The following NETO2 variants were observed in gnomAD, a reference collection of about 807,000 sequenced individuals.
NETO2 encodes neuropilin and tolloid like 2.
A neutral mutation model predicts 62.5 loss-of-function variants in NETO2; 28 were observed. The observed-to-expected ratio is 0.45, with a 90% confidence interval of 0.33 to 0.61. The LOEUF (loss-of-function observed/expected upper bound fraction) is 0.61. Ranked by LOEUF, NETO2 falls within the 20% of genes least tolerant of loss-of-function variation. NETO2 has a pLI of 0.02. For missense variants in NETO2, 548 were observed against 643.2 expected (o/e 0.85, Z 1.60); for synonymous variants, 214 against 219.1 (o/e 0.98, Z 0.21).
intron 7 of NETO2, among the ~76,000 whole-genome samples, chr16:47,104,995 C>G (rs532693528): frequency 6.6e-6 from 1 of 152,152 alleles, no homozygotes; most frequent in South Asian, 2.1e-4. Flanking sequence ...GCTCGGATAA[C>G]AGGCATGAGC....
chr16:47,109,649 A>C lies in NETO2; in HGVS notation c.717T>G (p.Val239=). 6.2e-7 allele frequency: 1 copy of C among 1,614,188 alleles called. No individual in the cohort carries two copies. Among genetic ancestry groups the C allele is most frequent in the Non-Finnish European group, 8.5e-7 (1 of 1,180,016 alleles). Residue 239 remains valine, a synonymous_variant, in exon 7 of 9, where the codon GTT becomes GTG. Coordinates refer to ENST00000562435, the MANE Select transcript of NETO2 (RefSeq NM_018092.5). ...TAGAACTGCTTCCATCATAGACTGC[A>C]ACGAAGTTTCTCTTGCATTCATTTG... is the stretch of plus-strand genomic sequence containing the variant. ...EHSNECKRNF[V]AVYDGSSSIE...
chr16:47,118,536 G>A (rs905781256), intron 6 of NETO2, among the ~76,000 whole-genome samples: 1 of 152,152 alleles, frequency 6.6e-6, no homozygotes, highest in Non-Finnish European at 1.5e-5. Context: ...GAAAAAAGCC[G>A]GGATTCCCTC....
At chr16:47,106,459 T>C (rs1963676904) in intron 7 of NETO2, among the ~76,000 whole-genome samples, 1 of 152,100 alleles carries the variant, frequency 6.6e-6, no homozygotes, top group Non-Finnish European at 1.5e-5. Context: ...TTTTATGCCA[T>C]GTATATTTTG....
rs112533456 is a variant in NETO2 at position 47,090,504 on chromosome 16, C to T, written c.884-4165G>A. 1.8e-3 allele frequency among the ~76,000 whole-genome samples: 273 copies of T among 152,172 alleles called. 2 individuals are homozygous for T. Among genetic ancestry groups the T allele is most frequent in the African/African-American group, 6.3e-3 (260 of 41,528 alleles). On this transcript the variant is annotated intron_variant, in intron 7 of 8. Coordinates refer to ENST00000562435, the MANE Select transcript of NETO2 (RefSeq NM_018092.5). ...CAAAAATAGTGCCAGTTATGAACTC[C>T]ACTTATAGCCTGAGAACTCTCTACC...
At chr16:47,099,660 T>G (rs1361878235) in intron 7 of NETO2, among the ~76,000 whole-genome samples, 1 of 151,688 alleles carries the variant, frequency 6.6e-6, no homozygotes, top group African/African-American at 2.4e-5. Context: ...GAGGTTGCAC[T>G]CTAGTCTCTG....
intron 8 of NETO2, among the ~76,000 whole-genome samples, chr16:47,084,305 CA>C (rs1164808351): frequency 1.3e-5 from 2 of 152,182 alleles, no homozygotes; most frequent in Non-Finnish European, 2.9e-5. Context: ...TTACGACAGC[CA>C]TATCAGATTA....
chr16:47,116,804 T>C (rs749753835), intron 6 of NETO2, among the ~76,000 whole-genome samples: 4 of 152,222 alleles, frequency 2.6e-5, no homozygotes, highest in African/African-American at 7.2e-5. Context: ...ACAGGATGAT[T>C]TGGGTTGTGT....
chr16:47,132,255 A>G (rs1964281321), intron 1 of NETO2, among the ~76,000 whole-genome samples: 1 of 152,146 alleles, frequency 6.6e-6, no homozygotes, highest in Admixed American at 6.5e-5. Context: ...TAAGCATTTA[A>G]TAATACATGG....
At chr16:47,085,759 C>G (rs1011281960) in intron 8 of NETO2, among the ~76,000 whole-genome samples, 3 of 152,064 alleles carry the variant, frequency 2.0e-5, no homozygotes, top group Non-Finnish European at 4.4e-5. Context: ...TCACCACATC[C>G]CAGGTCTATG....
intron 1 of NETO2, among the ~76,000 whole-genome samples, chr16:47,142,253 C>T (rs1348863699): frequency 1.3e-5 from 2 of 152,062 alleles, no homozygotes. Flanking sequence ...ATAAAGAAAT[C>T]ACTACGGATT....
At position 47,086,309 on chromosome 16, in the gene NETO2, T is replaced by A. The variant is rs769338360; in HGVS notation, c.914A>T (p.His305Leu). The change falls in exon 8 of 9, where the codon CAT (histidine) becomes CTT (leucine). Residue 305 changes from histidine (H) to leucine (L), a missense_variant. By Grantham distance (99) the His-to-Leu change is moderately conservative (BLOSUM62 -3). Coordinates refer to ENST00000562435, the MANE Select transcript of NETO2 (RefSeq NM_018092.5). ...AGAATTATTGATGCACATGTTGCTA[T>A]GGCAAAAGAAAGTGCTGCTTGTGCA... ...PPCTSSTFFC[H>L]SNMCINNSLV... 73 of 1,613,908 alleles carry A rather than the reference T, an allele frequency of 4.5e-5. No individual in the cohort carries two copies. The highest frequency in any genetic ancestry group is 1.0e-4 in the Admixed American group (6 of 60,014).
intron 7 of NETO2, among the ~76,000 whole-genome samples, chr16:47,101,014 G>A (rs1261483349): frequency 6.6e-6 from 1 of 152,074 alleles, no homozygotes; most frequent in African/African-American, 2.4e-5. Context: ...AAAATTTCAG[G>A]CCAATATCCC....
chr16:47,111,248 G>A (rs770184638), intron 6 of NETO2, among the ~76,000 whole-genome samples: 3 of 152,014 alleles, frequency 2.0e-5, no homozygotes, highest in Non-Finnish European at 1.5e-5. Flanking sequence ...ACTATGACTT[G>A]GTAGAAGTAT....
At chr16:47,101,425 T>C (rs1963540936) in intron 7 of NETO2, among the ~76,000 whole-genome samples, 1 of 152,186 alleles carries the variant, frequency 6.6e-6, no homozygotes, top group Non-Finnish European at 1.5e-5. Flanking sequence ...GTATTGGAGG[T>C]TCTGGCCAGG....
intron 6 of NETO2, among the ~76,000 whole-genome samples, chr16:47,111,161 G>A (rs1329366033): frequency 6.6e-6 from 1 of 152,150 alleles, no homozygotes; most frequent in Non-Finnish European, 1.5e-5. Context: ...GTCTTCCAAT[G>A]GAAGGTCACT....
Position 47,091,187 on chromosome 16 carries a change from C to T in NETO2, c.884-4848G>A, listed in dbSNP as rs1469125184. On this transcript the variant is annotated intron_variant, in intron 7 of 8. Coordinates refer to ENST00000562435, the MANE Select transcript of NETO2 (RefSeq NM_018092.5). ...ATCACACACACTTTTTCTGAAGGGG[C>T]GGCTTTCTTCTTTTTCTTGGGTAAT... Among the ~76,000 whole-genome samples the T allele has an allele frequency of 3.3e-5, 5 of 152,078 alleles. No homozygotes were observed. In the South Asian group the frequency reaches 6.2e-4, roughly 19 times the overall value.
intron 7 of NETO2, among the ~76,000 whole-genome samples, chr16:47,089,839 A>G (rs1197484492): frequency 1.3e-5 from 2 of 152,182 alleles, no homozygotes; most frequent in Non-Finnish European, 2.9e-5. Flanking sequence ...AGAAACATAT[A>G]GCATTTTTGA....
chr16:47,094,270 T>TC (rs1387051485), intron 7 of NETO2, among the ~76,000 whole-genome samples: 1 of 151,192 alleles, frequency 6.6e-6, no homozygotes, highest in Non-Finnish European at 1.5e-5. Flanking sequence ...TGGATTTTTT[T>TC]TTTTTTTTTT....
At position 47,132,045 on chromosome 16, in the gene NETO2, G is replaced by C. The variant is rs1964276516; in HGVS notation, c.35-20C>G. 6.3e-7 allele frequency: 1 copy of C among 1,576,576 alleles called. No individual in the cohort carries two copies. Among genetic ancestry groups the C allele is most frequent in the East Asian group, 2.2e-5 (1 of 44,502 alleles). On this transcript the variant is annotated intron_variant, in intron 1 of 8. Coordinates refer to ENST00000562435, the MANE Select transcript of NETO2 (RefSeq NM_018092.5). The stretch of plus-strand genomic sequence containing the variant: ...ACAACACTAGAGAAATAACAGAGAA[G>C]AAAAGTTATGAAATTGAATCTATAC...
Sources: gnomAD v4.1 joint callset for allele counts (sites outside exome capture counted in the v4.1 genomes callset) on GRCh38, gnomAD v4.1.1 for gene constraint, MANE v1.5 for transcripts, NCBI Gene and HGNC (gene_info 2026-07-23, HGNC 2026-07-21) for gene names.